The following PRSS36 variants were observed in gnomAD, a reference collection of about 807,000 sequenced individuals.
PRSS36 encodes the protein serine protease 36, also known as polyserase-2.
PRSS36 carries 90 observed loss-of-function variants against 94.3 expected under a neutral mutation model. The observed-to-expected ratio is 0.95, with a 90% CI of 0.80 to 1.14. The LOEUF is 1.14. Ranked by LOEUF, PRSS36 falls within the 50% of genes most tolerant of loss-of-function variation. The pLI is 0.00. For synonymous variants in PRSS36, 500 were observed against 489.6 expected (o/e 1.02, Z -0.28); for missense variants, 1,158 against 1,135.0 (o/e 1.02, Z -0.29).
chr16:31,147,947 G>A (rs939308193), intron 5 of PRSS36, among the ~76,000 whole-genome samples: 16 of 152,120 alleles, frequency 1.1e-4, no homozygotes, highest in South Asian at 2.1e-4. Flanking sequence ...AAGTGCATTG[G>A]TTATTGCTAT....
rs145938370 is a variant in PRSS36 at position 31,141,552 on chromosome 16, C to T, written c.1818G>A (p.Glu606=). Residue 606 remains glutamate (E), a synonymous_variant, in exon 12 of 15, where the codon GAG becomes GAA. Transcript: ENST00000268281. Reference sequence around the variant, plus strand: ...AGACTCGATCACCAGCCACATGCACCTCTGCCAGCCAGGGCCACAGGACCC... The same window carrying T: ...AGACTCGATCACCAGCCACATGCACTTCTGCCAGCCAGGGCCACAGGACCC... ...PVGVLWPWLA[E]VHVAGDRVCT... 4.3e-6 allele frequency: 7 copies of T among 1,613,422 alleles called. No individual in the cohort carries two copies. The highest frequency in any genetic ancestry group is 5.9e-6 in the Non-Finnish European group (7 of 1,179,996).
intron 4 of PRSS36, 86 bp downstream of exon 4, chr16:31,148,987 G>T: frequency 7.3e-7 from 1 of 1,362,156 alleles, no homozygotes; most frequent in South Asian, 1.5e-5. Flanking sequence ...CCTTGAGGAC[G>T]GAAGTGGGGC....
intron 11 of PRSS36, 48 bp from the exon 12 acceptor site, chr16:31,141,658 C>T (rs1326918258): frequency 5.0e-6 from 8 of 1,608,704 alleles, no homozygotes; most frequent in African/African-American, 1.3e-5. Context: ...TGGCTGACCC[C>T]TGAGCCCCTG....
In PRSS36 at chr16:31,150,018, G is replaced by A. The variant is rs1395924002; in HGVS notation, c.18C>T (p.Leu6=). The A allele has an allele frequency of 1.1e-5, 17 of 1,613,890 alleles. No homozygotes were observed. The East Asian group carries it at 2.9e-4, about 27-fold the overall frequency. The part of the protein sequence containing the change: MARHL[L]LPLVMLVISP... Reference sequence around the variant, plus strand: ...GGTTACCAAGCATCACAAGGGGGAGGAGCAGGTGCCGGGCCATGGCGCTAG... The same window carrying A: ...GGTTACCAAGCATCACAAGGGGGAGAAGCAGGTGCCGGGCCATGGCGCTAG... Residue 6 remains leucine (L), a synonymous_variant, in exon 1 of 15, where the codon CTC becomes CTT. Transcript: ENST00000268281.
chr16:31,148,858 T>C, intron 4 of PRSS36, 183 bp from the exon 5 acceptor site: 1 of 981,848 alleles, frequency 1.0e-6, no homozygotes, highest in Non-Finnish European at 1.5e-6. Flanking sequence ...ATTGGAAAGA[T>C]GGGATTCAGA....
chr16:31,141,755 G>A lies in PRSS36; in HGVS notation c.1727C>T (p.Thr576Ile). The part of the protein sequence containing the change: ...DWGPDGEETE[T>I]QTCPPHTEHG... Reference sequence around the variant, plus strand: ...CTCTGTGTGTGGGGGACAAGTCTGTGTCTCAGTCTCCTCCCCATCAGGGCC... The same window carrying A: ...CTCTGTGTGTGGGGGACAAGTCTGTATCTCAGTCTCCTCCCCATCAGGGCC... Residue 576 changes from threonine to isoleucine, a missense_variant, in exon 11 of 15, where the codon ACA becomes ATA. Thr to Ile is a moderately conservative substitution (Grantham distance 89). Transcript: ENST00000268281. 2 of 1,614,092 alleles carry A rather than the reference G, an allele frequency of 1.2e-6. No homozygotes were observed. The highest frequency in any genetic ancestry group is 1.7e-6 in the Non-Finnish European group (2 of 1,179,948).
Position 31,145,899 on chromosome 16 carries a change from C to T in PRSS36, c.610G>A (p.Ala204Thr). Residue 204 changes from alanine to threonine, a missense_variant, in exon 6 of 15, where the codon GCC (alanine) becomes ACC (threonine). Physicochemically the swap from Ala to Thr is moderately conservative, Grantham distance 58 (BLOSUM62 0). Transcript: ENST00000268281. ...TGGCTGTAGAGACATTGACAGGTGG[C>T]CTCGCCCAGCAGCCTTAGCTCCACT... is the stretch of plus-strand genomic sequence containing the variant. Reference protein sequence around the residue: ...QEVELRLLGEATCQCLYSQPG... With the variant: ...QEVELRLLGETTCQCLYSQPG... 1 of 1,613,940 alleles carries T rather than the reference C, an allele frequency of 6.2e-7. No individual in the cohort carries two copies. Among genetic ancestry groups the T allele is most frequent in the Non-Finnish European group, 8.5e-7 (1 of 1,179,944 alleles).
At chr16:31,139,990 G>T (rs1395895114) in intron 14 of PRSS36, among the ~76,000 whole-genome samples, 1 of 150,012 alleles carries the variant, frequency 6.7e-6, no homozygotes, top group Non-Finnish European at 1.5e-5. Flanking sequence ...ATCAGATCAA[G>T]ACCATCCTGG....
chr16:31,144,486 T>C (rs2057766271), intron 6 of PRSS36, among the ~76,000 whole-genome samples: 1 of 152,230 alleles, frequency 6.6e-6, no homozygotes, highest in Non-Finnish European at 1.5e-5. Flanking sequence ...GTTTGTCTCT[T>C]TTTTTGGGAT....
chr16:31,143,720 C>T lies in PRSS36; in HGVS notation c.838G>A (p.Ala280Thr), dbSNP rs2057754771. Residue 280 changes from alanine to threonine, a missense_variant, in exon 7 of 15, where the codon GCT becomes ACT. Transcript: ENST00000268281. ...RNRPGVFTAV[A>T]TYEAWIREQV... is the part of the protein sequence containing the mutation. ...TCCCGTATCCATGCCTCATAGGTAG[C>T]CACAGCAGTGAAAACTCCAGGGCGG... 1 of 1,614,146 alleles carries T rather than the reference C, an allele frequency of 6.2e-7. No homozygotes were observed. Among genetic ancestry groups the T allele is most frequent in the Non-Finnish European group, 8.5e-7 (1 of 1,180,028 alleles).
Position 31,141,614 on chromosome 16 carries a change from G to A in PRSS36, c.1760-4C>T. 1 of 1,612,956 alleles carries A rather than the reference G, an allele frequency of 6.2e-7. No homozygotes were observed. The highest frequency in any genetic ancestry group is 8.5e-7 in the Non-Finnish European group (1 of 1,179,636). ...GCCTCCAGCCGCAGGCCACAGGCTA[G>A]GGAGAGGAGGTGGCCACCTCAGTTG... On this transcript the variant is annotated splice_polypyrimidine_tract_variant and splice_region_variant and intron_variant, in intron 11 of 14. Transcript: ENST00000268281.
rs759395215 is a variant in PRSS36, at chr16:31,143,672, C to T, written c.886G>A (p.Gly296Arg). ...IREQVMGSEP[G>R]PAFPTQPQKT... ...TGGGGCTGGGTGGGAAAGGCAGGCC[C>T]AGGCTCTGAACCCATCACCTGCTCC... The change falls in exon 7 of 15, where the codon GGG becomes AGG. Residue 296 changes from glycine (G) to arginine (R), a missense_variant. By Grantham distance (125) the Gly-to-Arg change is moderately radical. Transcript: ENST00000268281. 2 of 1,614,194 alleles carry T rather than the reference C, an allele frequency of 1.2e-6. No homozygotes were observed. The highest frequency in any genetic ancestry group is 1.1e-5 in the South Asian group (1 of 91,086).
intron 10 of PRSS36, among the ~76,000 whole-genome samples, 188 bp from the exon 11 acceptor site, chr16:31,142,148 CAGAGAT>C (rs2057705300): frequency 6.6e-6 from 1 of 152,310 alleles, no homozygotes; most frequent in Non-Finnish European, 1.5e-5. Flanking sequence ...TCCTTAAATC[CAGAGAT>C]AGAGAGAAAC....
Position 31,142,550 on chromosome 16 carries a change from C to T in PRSS36, c.1452G>A (p.Pro484=). ...GCGCGTGCGGCGGGTCTCCGGGCAG[C>T]GGTACTGCCGCCCCCTGGCGGCCGT... ...CLYGRQGAAV[P]LPGDPPHALC... is the part of the protein sequence containing the mutation. The change falls in exon 10 of 15, where the codon CCG becomes CCA. Residue 484 remains proline, a synonymous_variant. Coordinates refer to ENST00000268281, the MANE Select transcript of PRSS36 (RefSeq NM_173502.5). 2.6e-6 allele frequency: 4 copies of T among 1,524,726 alleles called. No homozygotes were observed. The highest frequency in any genetic ancestry group is 5.0e-5 in the East Asian group (2 of 40,030). The allele number at this position is 1,524,726 out of a possible 1,614,324, so 94.4% of individuals were successfully genotyped here. A position where few individuals can be genotyped will look rare whatever the true frequency, so the allele number is the denominator to read the frequency against.
At position 31,148,588 on chromosome 16, in the gene PRSS36, G is replaced by A; in HGVS notation, c.360C>T (p.Arg120=). The change falls in exon 5 of 15, where the codon CGC becomes CGT. Residue 120 remains arginine (R), a synonymous_variant. Coordinates refer to ENST00000268281, the MANE Select transcript of PRSS36 (RefSeq NM_173502.5). The part of the protein sequence containing the change: ...QDGPLDGAHT[R]AVAAIVVPAN... Reference sequence around the variant, plus strand: ...CCGGCACCACGATGGCGGCCACTGCGCGGGTGTGCGCGCCGTCCAGGGGCC... The same window carrying A: ...CCGGCACCACGATGGCGGCCACTGCACGGGTGTGCGCGCCGTCCAGGGGCC... 1 of 1,610,652 alleles carries A rather than the reference G, an allele frequency of 6.2e-7. No homozygotes were observed. Among genetic ancestry groups the A allele is most frequent in the Non-Finnish European group, 8.5e-7 (1 of 1,178,930 alleles).
intron 14 of PRSS36, 91 bp downstream of exon 14, chr16:31,140,203 A>G: frequency 7.0e-7 from 1 of 1,425,120 alleles, no homozygotes; most frequent in Non-Finnish European, 9.3e-7. Context: ...AAAAAAAAAA[A>G]AAAAAAATTC....
intron 14 of PRSS36, 42 bp from the exon 15 acceptor site, chr16:31,139,458 C>A: frequency 6.3e-7 from 1 of 1,584,896 alleles, no homozygotes; most frequent in Non-Finnish European, 8.6e-7. Flanking sequence ...GCTGCCCTTC[C>A]TCTTGGTCCC....
chr16:31,148,969 CA>C, intron 4 of PRSS36, 103 bp downstream of exon 4: 2 of 1,229,798 alleles, frequency 1.6e-6, no homozygotes. Context: ...AGCTTGGCTC[CA>C]AATTATCCTT....
chr16:31,140,033 T>C (rs1337462861), intron 14 of PRSS36, among the ~76,000 whole-genome samples: 1 of 144,586 alleles, frequency 6.9e-6, no homozygotes. Context: ...CTACTAAAAA[T>C]ACAAAAAATT....
Sources: allele counts gnomAD v4.1 joint callset (sites outside exome capture counted in the v4.1 genomes callset), GRCh38; gene constraint gnomAD v4.1.1; transcripts MANE v1.5; gene names NCBI Gene and HGNC (gene_info 2026-07-23, HGNC 2026-07-21).